FHOD3: variants seen among roughly 807,000 people sequenced by gnomAD.
The protein encoded by FHOD3 is formin homology 2 domain containing 3.
Under a neutral mutation model 173.0 loss-of-function variants are expected in FHOD3, and 90 were observed. That is an observed-to-expected ratio of 0.52 (90% CI 0.44 to 0.62). The LOEUF is 0.62. Among genes scored for constraint, FHOD3 ranks in the 20% least tolerant of loss-of-function variants. FHOD3 has a pLI of 0.00. For missense variants in FHOD3, 1,945 were observed against 2,034.7 expected (o/e 0.96, Z 0.85); for synonymous variants, 828 against 823.0 (o/e 1.01, Z -0.10).
intron 28 of FHOD3, chr18:36,777,601 C>G (rs139639414): frequency 1.3e-5 from 2 of 152,172 alleles, no homozygotes; most frequent in African/African-American, 4.8e-5. Flanking sequence ...TTAAAATTAT[C>G]TTTCTTTAAC....
At chr18:36,497,163 G>A (rs2054788482) in intron 3 of FHOD3, among the ~76,000 whole-genome samples, 1 of 152,134 alleles carries the variant, frequency 6.6e-6, no homozygotes, top group Non-Finnish European at 1.5e-5. Context: ...TTAAACAAAT[G>A]ACTATAAAGG....
intron 9 of FHOD3, among the ~76,000 whole-genome samples, chr18:36,616,842 T>G (rs1424708406): frequency 1.3e-5 from 2 of 152,248 alleles, no homozygotes; most frequent in Non-Finnish European, 2.9e-5. Context: ...CTGGCTGTAC[T>G]AATAATTTCA....
intron 18 of FHOD3, among the ~76,000 whole-genome samples, chr18:36,712,505 A>G (rs1164758285): frequency 6.6e-6 from 1 of 152,200 alleles, no homozygotes; most frequent in Non-Finnish European, 1.5e-5. Flanking sequence ...GCTTAATAGT[A>G]GATTGGAGAC....
intron 6 of FHOD3, among the ~76,000 whole-genome samples, chr18:36,589,194 C>A (rs953225): frequency 0.28 from 42,386 of 152,150 alleles, 6,419 homozygotes; most frequent in Admixed American, 0.36. Context: ...TGCTTTTGCA[C>A]CCCCCGTATG....
At chr18:36,577,092 C>CAA (rs201527092) in intron 6 of FHOD3, among the ~76,000 whole-genome samples, 13 of 124,414 alleles carry the variant, frequency 1.0e-4, no homozygotes, top group East Asian at 6.5e-4. Context: ...GACTCTGTCT[C>CAA]AAAAAAAAAA....
chr18:36,758,502 T>C (rs1373666131), intron 25 of FHOD3, among the ~76,000 whole-genome samples: 2 of 152,184 alleles, frequency 1.3e-5, no homozygotes, highest in Non-Finnish European at 2.9e-5. Context: ...TAAATTAATT[T>C]CATGCTCCTG....
intron 10 of FHOD3, among the ~76,000 whole-genome samples, chr18:36,647,804 C>T (rs2035792518): frequency 6.6e-6 from 1 of 152,112 alleles, no homozygotes; most frequent in Non-Finnish European, 1.5e-5. Context: ...TAATGTTGAA[C>T]AAAAGCTAGG....
intron 6 of FHOD3, among the ~76,000 whole-genome samples, chr18:36,582,384 G>A (rs1288520846): frequency 6.6e-6 from 1 of 152,198 alleles, no homozygotes; most frequent in East Asian, 1.9e-4. Context: ...AGATGGCAAT[G>A]TCATGTTAAA....
intron 10 of FHOD3, among the ~76,000 whole-genome samples, chr18:36,629,245 C>T (rs961170522): frequency 6.6e-6 from 1 of 152,210 alleles, no homozygotes; most frequent in African/African-American, 2.4e-5. Flanking sequence ...TGCAACTACT[C>T]AACTGAATTC....
intron 14 of FHOD3, among the ~76,000 whole-genome samples, chr18:36,679,499 T>C (rs2038093562): frequency 2.0e-5 from 3 of 152,170 alleles, no homozygotes; most frequent in Admixed American, 2.0e-4. Context: ...ATTTTTACTC[T>C]TTCTTTTCTT....
intron 14 of FHOD3, among the ~76,000 whole-genome samples, chr18:36,667,289 A>G (rs2037242335): frequency 2.0e-5 from 3 of 152,254 alleles, no homozygotes; most frequent in East Asian, 1.9e-4. Flanking sequence ...TACAAAAATA[A>G]TAAGGGACTA....
intron 17 of FHOD3, among the ~76,000 whole-genome samples, chr18:36,695,359 A>T (rs978011636): frequency 3.3e-5 from 5 of 152,086 alleles, no homozygotes; most frequent in Admixed American, 1.3e-4. Flanking sequence ...AAAATAAAAA[A>T]AAAAAAAAAG....
At chr18:36,577,549 C>G (rs1568449492) in intron 6 of FHOD3, among the ~76,000 whole-genome samples, 2 of 152,200 alleles carry the variant, frequency 1.3e-5, no homozygotes, top group Non-Finnish European at 2.9e-5. Flanking sequence ...GATCCACCTG[C>G]CTTGGCCTCT....
intron 15 of FHOD3, among the ~76,000 whole-genome samples, chr18:36,683,395 A>G (rs563197074): frequency 9.2e-5 from 14 of 152,322 alleles, no homozygotes; most frequent in Admixed American, 3.3e-4. Context: ...GAATTCATTC[A>G]CTCCATCCTG....
chr18:36,525,698 TG>T (rs2056479026), intron 5 of FHOD3, among the ~76,000 whole-genome samples: 1 of 152,200 alleles, frequency 6.6e-6, no homozygotes, highest in Non-Finnish European at 1.5e-5. Flanking sequence ...ACTGTCTTTC[TG>T]GGCTTCTTAG....
chr18:36,636,656 G>GTTTTT (rs34551927), intron 10 of FHOD3, among the ~76,000 whole-genome samples: 1 of 141,976 alleles, frequency 7.0e-6, no homozygotes, highest in African/African-American at 2.6e-5. Flanking sequence ...CATTCCTGAG[G>GTTTTT]TTTTTTTTTT....
chr18:36,569,976 G>A (rs74753514), intron 5 of FHOD3, among the ~76,000 whole-genome samples: 9,020 of 152,018 alleles, frequency 0.059, 432 homozygotes, highest in South Asian at 0.19. Context: ...AAATAATAAT[G>A]TAAGCACCTA....
intron 5 of FHOD3, among the ~76,000 whole-genome samples, chr18:36,554,376 T>C (rs1266129897): frequency 6.6e-6 from 1 of 151,142 alleles, no homozygotes; most frequent in African/African-American, 2.4e-5. Flanking sequence ...CTGAGCAAAC[T>C]ATCGCAAGGA....
rs141472663 is a variant in FHOD3, at chr18:36,297,750, G to T, written c.-86G>T. 96,185 of 1,127,724 alleles carry T rather than the reference G, an allele frequency of 0.085. 4,437 individuals carry two copies. Among genetic ancestry groups the T allele is most frequent in the Admixed American group, 0.17 (3,762 of 22,270 alleles). The allele number at this position is 1,127,724 out of a possible 1,614,324, so 69.9% of individuals were successfully genotyped here. On this transcript the variant is annotated 5_prime_UTR_variant, in exon 1 of 29. Transcript: ENST00000590592. ...CCGCGAGCCAGCGAGCTGCGGCTGCGGCCTCCCCTGCGCGCAGCTACCCGG... is the reference window on the plus strand; with the variant it reads ...CCGCGAGCCAGCGAGCTGCGGCTGCTGCCTCCCCTGCGCGCAGCTACCCGG...
Sources: allele counts gnomAD v4.1 joint callset (sites outside exome capture counted in the v4.1 genomes callset), GRCh38; gene constraint gnomAD v4.1.1; transcripts MANE v1.5; gene names NCBI Gene and HGNC (gene_info 2026-07-23, HGNC 2026-07-21).